The following OTOGL variants were observed in gnomAD, a reference collection of about 807,000 sequenced individuals.
OTOGL encodes otogelin like, also known as otogelin-like protein.
OTOGL carries 285 observed loss-of-function variants against 318.5 expected under a neutral mutation model. The ratio of observed to expected loss-of-function variants is 0.89; its 90% CI spans 0.81 to 0.99. OTOGL has a LOEUF of 0.99. Among genes scored for constraint, OTOGL ranks in the 50% least tolerant of loss-of-function variants. The pLI, the probability that OTOGL is intolerant of heterozygous loss-of-function variation, is 0.00. For missense variants in OTOGL, 2,899 were observed against 2,845.6 expected (o/e 1.02, Z -0.43); for synonymous variants, 987 against 936.5 (o/e 1.05, Z -0.99).
chr12:80,379,952 T>C lies in OTOGL; in HGVS notation c.*1904T>C, dbSNP rs1222058292. The stretch of plus-strand genomic sequence containing the variant: ...AGGCCTTAAATAGCCATACATATGA[T>C]ATGAGAATGTCCAGAAAGAGATCCC... On this transcript the variant is annotated 3_prime_UTR_variant, in exon 59 of 59. Coordinates refer to ENST00000547103, the MANE Select transcript of OTOGL (RefSeq NM_001378609.3). The C allele has an allele frequency of 2.0e-5, 3 of 152,000 alleles. No homozygotes were observed. Among genetic ancestry groups the C allele is most frequent in the East Asian group, 3.9e-4 (2 of 5,188 alleles). The allele number at this position is 152,000 out of a possible 1,614,324, so 9.4% of individuals were successfully genotyped here.
rs1877854487 is a variant in OTOGL at position 80,217,533 on chromosome 12, A to G, written c.169-65A>G. 7 of 1,136,270 alleles carry G rather than the reference A, an allele frequency of 6.2e-6. No homozygotes were observed. The East Asian group carries it at 1.0e-4, about 17-fold the overall frequency. 70.4% of individuals were successfully genotyped at this position (1,136,270 alleles called of 1,614,324 possible). The stretch of plus-strand genomic sequence containing the variant: ...TTGTAGTTATTTTCTAGATTTGCCA[A>G]TTTGCATGTTTGGCTTGAATTAAAT... On this transcript the variant is annotated intron_variant, in intron 4 of 58. Transcript: ENST00000547103.
chr12:80,125,620 C>T (rs1436927231), intron 1 of OTOGL, among the ~76,000 whole-genome samples: 9 of 152,260 alleles, frequency 5.9e-5, no homozygotes, highest in Non-Finnish European at 1.0e-4. Flanking sequence ...ATGGTACCAG[C>T]TCCTCCTTGT....
chr12:80,124,947 A>G (rs1215563715), intron 1 of OTOGL, among the ~76,000 whole-genome samples: 5 of 152,208 alleles, frequency 3.3e-5, no homozygotes, highest in South Asian at 2.1e-4. Flanking sequence ...GGCTGAGACA[A>G]TGGGGTTTTC....
At chr12:80,172,605 TG>T (rs1191896181) in intron 1 of OTOGL, among the ~76,000 whole-genome samples, 3 of 149,606 alleles carry the variant, frequency 2.0e-5, no homozygotes, top group Admixed American at 1.3e-4. Flanking sequence ...TTTTTTTCTA[TG>T]TTTTTTTTTT....
chr12:80,305,806 G>T, intron 29 of OTOGL, 111 bp downstream of exon 29: 1 of 890,632 alleles, frequency 1.1e-6, no homozygotes, highest in Non-Finnish European at 1.5e-6. Context: ...TATTTTCATA[G>T]TAATTTATAG....
intron 33 of OTOGL, among the ~76,000 whole-genome samples, chr12:80,320,129 T>C (rs1363802137): frequency 6.6e-6 from 1 of 152,150 alleles, no homozygotes; most frequent in Non-Finnish European, 1.5e-5. Context: ...GGAGTCCTCA[T>C]TGACATTTCC....
At chr12:80,192,989 C>T (rs1875801385) in intron 1 of OTOGL, among the ~76,000 whole-genome samples, 1 of 132,048 alleles carries the variant, frequency 7.6e-6, no homozygotes, top group African/African-American at 2.7e-5. Flanking sequence ...ATTGAAAATA[C>T]TAAAAAAAAA....
intron 1 of OTOGL, among the ~76,000 whole-genome samples, chr12:80,103,759 A>T (rs1869286613): frequency 6.6e-6 from 1 of 152,256 alleles, no homozygotes; most frequent in African/African-American, 2.4e-5. Context: ...AAATACCGCT[A>T]GTATTATTCT....
intron 1 of OTOGL, among the ~76,000 whole-genome samples, chr12:80,117,120 G>T (rs1870212596): frequency 6.6e-6 from 1 of 152,092 alleles, no homozygotes; most frequent in Admixed American, 6.6e-5. Context: ...TTGGATAATG[G>T]CTCAAGAGAC....
intron 1 of OTOGL, among the ~76,000 whole-genome samples, chr12:80,136,736 A>G (rs1259049564): frequency 2.6e-5 from 4 of 152,160 alleles, no homozygotes; most frequent in African/African-American, 9.7e-5. Context: ...TAAAATTGCT[A>G]TCTTCATCCT....
intron 29 of OTOGL, among the ~76,000 whole-genome samples, chr12:80,307,802 C>T (rs1201239522): frequency 2.9e-5 from 4 of 138,610 alleles, no homozygotes; most frequent in South Asian, 2.3e-4. Context: ...TCCTCACTTC[C>T]CAGTAGGGGC....
rs12581835 is a variant in OTOGL at position 80,353,812 on chromosome 12, T to C, written c.5593+302T>C. On this transcript the variant is annotated intron_variant, in intron 46 of 58. Coordinates refer to ENST00000547103, the MANE Select transcript of OTOGL (RefSeq NM_001378609.3). ...CTCAAAATCAACTTAATTCATGTAT[T>C]AGTTGTTCATTTTTACTCCTATGAG... 0.032 allele frequency among the ~76,000 whole-genome samples: 4,919 copies of C among 152,242 alleles called. 173 individuals are homozygous for C. The highest frequency in any genetic ancestry group is 0.1 in the Admixed American group (1,600 of 15,290).
At chr12:80,146,787 G>A (rs1421255021) in intron 1 of OTOGL, among the ~76,000 whole-genome samples, 1 of 150,956 alleles carries the variant, frequency 6.6e-6, no homozygotes, top group Non-Finnish European at 1.5e-5. Context: ...TTAGTCTTGG[G>A]AGAGTGTATG....
In OTOGL at chr12:80,240,109, T is replaced by A. The variant is rs113181890; in HGVS notation, c.1052+670T>A. On this transcript the variant is annotated intron_variant, in intron 11 of 58. Transcript: ENST00000547103. ...TTCCATTGTGTATATATACCACAAT[T>A]TTTTTTATCCATTCATCCACTGATG... Among the ~76,000 whole-genome samples the A allele has an allele frequency of 2.3e-3, 350 of 152,192 alleles. 4 individuals are homozygous for A. Among genetic ancestry groups the A allele is most frequent in the African/African-American group, 8.1e-3 (335 of 41,536 alleles).
chr12:80,315,896 A>G (rs1886940354), intron 32 of OTOGL, among the ~76,000 whole-genome samples: 2 of 152,312 alleles, frequency 1.3e-5, no homozygotes, highest in South Asian at 4.1e-4. Flanking sequence ...ACGCACACAC[A>G]AACACACACT....
intron 37 of OTOGL, among the ~76,000 whole-genome samples, chr12:80,332,525 G>C (rs900288053): frequency 6.6e-6 from 1 of 152,058 alleles, no homozygotes; most frequent in Non-Finnish European, 1.5e-5. Flanking sequence ...CCATCAACTA[G>C]GGCTTCCACA....
chr12:80,158,257 G>A (rs1873258960), intron 1 of OTOGL, among the ~76,000 whole-genome samples: 1 of 151,998 alleles, frequency 6.6e-6, no homozygotes, highest in Non-Finnish European at 1.5e-5. Context: ...ACCTTATTCT[G>A]TGTGACTTTA....
intron 26 of OTOGL, among the ~76,000 whole-genome samples, chr12:80,296,279 G>A (rs1885388871): frequency 6.6e-6 from 1 of 152,104 alleles, no homozygotes; most frequent in South Asian, 2.1e-4. Flanking sequence ...CTGTAAAATG[G>A]AAATAATACC....
At position 80,280,563 on chromosome 12, in the gene OTOGL, C is replaced by T. The variant is rs142995026; in HGVS notation, c.2928+1397C>T. On this transcript the variant is annotated intron_variant, in intron 26 of 58. Coordinates refer to ENST00000547103, the MANE Select transcript of OTOGL (RefSeq NM_001378609.3). ...TTTATTGAATGGAGAATCCTTTCCT[C>T]ATTGCTTATTATTGTCAGCTTTGTC... Among the ~76,000 whole-genome samples the T allele has an allele frequency of 3.1e-4, 47 of 152,018 alleles. No homozygotes were observed. In the East Asian group the frequency reaches 9.1e-3, roughly 29 times the overall value.
Sources: allele counts gnomAD v4.1 joint callset (sites outside exome capture counted in the v4.1 genomes callset), GRCh38; gene constraint gnomAD v4.1.1; transcripts MANE v1.5; gene names NCBI Gene and HGNC (gene_info 2026-07-23, HGNC 2026-07-21).